Variants in C1GALT1 observed in about 807,000 individuals in gnomAD.
C1GALT1 encodes core 1 synthase, glycoprotein-N-acetylgalactosamine 3-beta-galactosyltransferase 1.
A neutral mutation model predicts 31.0 loss-of-function variants in C1GALT1; 11 were observed. The ratio of observed to expected loss-of-function variants is 0.36; its 90% confidence interval spans 0.22 to 0.59. The LOEUF is 0.59. C1GALT1 is among the 20% of genes least tolerant of loss of function. The pLI, the probability that C1GALT1 is intolerant of heterozygous loss-of-function variation, is 0.79. For synonymous variants in C1GALT1, 175 were observed against 143.6 expected, an observed-to-expected ratio of 1.22 and a Z score of -1.56; for missense variants, 424 against 425.2, an observed-to-expected ratio of 1.00 and a Z score of 0.03.
intron 1 of C1GALT1, 118 bp downstream of exon 1, chr7:7,182,938 G>T: frequency 1.3e-6 from 1 of 748,074 alleles, no homozygotes; most frequent in Non-Finnish European, 1.6e-6. Context: ...CGGGCGCGGC[G>T]GAACAGGTGT....
intron 1 of C1GALT1, among the ~76,000 whole-genome samples, chr7:7,230,772 T>C (rs1266187992): frequency 7.1e-6 from 1 of 140,852 alleles, no homozygotes; most frequent in Non-Finnish European, 1.6e-5. Flanking sequence ...TATTAATCAG[T>C]TTTTTTTTTT....
chr7:7,231,294 A>C (rs983323787), intron 1 of C1GALT1, among the ~76,000 whole-genome samples: 1 of 152,078 alleles, frequency 6.6e-6, no homozygotes, highest in African/African-American at 2.4e-5. Context: ...TACTTAGGTA[A>C]CATTTTCTTT....
At chr7:7,194,508 G>A (rs969110941) in intron 1 of C1GALT1, among the ~76,000 whole-genome samples, 6 of 151,698 alleles carry the variant, frequency 4.0e-5, no homozygotes, top group African/African-American at 1.2e-4. Flanking sequence ...ATCCCTGCAC[G>A]CCTGGCATGA....
intron 1 of C1GALT1, among the ~76,000 whole-genome samples, chr7:7,184,339 C>T (rs1325178833): frequency 6.6e-6 from 1 of 152,110 alleles, no homozygotes; most frequent in African/African-American, 2.4e-5. Context: ...TCAAATTTGC[C>T]TGGAATGTGT....
intron 2 of C1GALT1, chr7:7,234,848 GT>G (rs1263621259): frequency 1.1e-5 from 2 of 184,446 alleles, no homozygotes; most frequent in Non-Finnish European, 2.2e-5. Context: ...TGTGTCTTTG[GT>G]TTTTGTTACT....
Position 7,245,157 on chromosome 7 carries a change from C to T in C1GALT1, c.*1430C>T, listed in dbSNP as rs1466573914. 1 of 152,158 alleles carries T rather than the reference C, an allele frequency of 6.6e-6. No homozygotes were observed. Among genetic ancestry groups the T allele is most frequent in the African/African-American group, 2.4e-5 (1 of 41,426 alleles). The allele number at this position is 152,158 out of a possible 1,614,324, so 9.4% of individuals were successfully genotyped here. A position where few individuals can be genotyped will look rare whatever the true frequency, so the allele number is the denominator to read the frequency against. ...TTATGGTACAAAGTATTTACATTTC[C>T]CTCATGTTTATCATTATGCCAATTT... is the stretch of plus-strand genomic sequence containing the variant. On this transcript the variant is annotated 3_prime_UTR_variant, in exon 4 of 4. Coordinates refer to ENST00000436587, the MANE Select transcript of C1GALT1 (RefSeq NM_020156.5).
intron 1 of C1GALT1, among the ~76,000 whole-genome samples, chr7:7,193,662 C>T (rs1315292218): frequency 6.6e-6 from 1 of 151,562 alleles, no homozygotes; most frequent in African/African-American, 2.4e-5. Flanking sequence ...TATGTGTGTT[C>T]CTTTTCAGTT....
At chr7:7,204,490 G>A (rs1781654494) in intron 1 of C1GALT1, among the ~76,000 whole-genome samples, 1 of 151,662 alleles carries the variant, frequency 6.6e-6, no homozygotes. Context: ...TATCAGTTTT[G>A]TTCCTTTTTG....
At chr7:7,229,003 C>T (rs1159241254) in intron 1 of C1GALT1, among the ~76,000 whole-genome samples, 1 of 152,132 alleles carries the variant, frequency 6.6e-6, no homozygotes, top group Non-Finnish European at 1.5e-5. Flanking sequence ...TGTTAGTATT[C>T]ATAGTTGATG....
chr7:7,182,156 A>G (rs1227708233), upstream of C1GALT1, among the ~76,000 whole-genome samples: 3 of 152,176 alleles, frequency 2.0e-5, no homozygotes, highest in Non-Finnish European at 4.4e-5. Context: ...CGGGGAGAGA[A>G]CAGAAAAACA....
chr7:7,187,224 A>G (rs1232961845), intron 1 of C1GALT1, among the ~76,000 whole-genome samples: 1 of 152,036 alleles, frequency 6.6e-6, no homozygotes, highest in Non-Finnish European at 1.5e-5. Flanking sequence ...AATTAGTGTT[A>G]AAAGTAGTCT....
intron 1 of C1GALT1, among the ~76,000 whole-genome samples, chr7:7,187,928 T>C (rs1483055221): frequency 6.6e-6 from 1 of 152,200 alleles, no homozygotes; most frequent in Non-Finnish European, 1.5e-5. Context: ...TTAGTTTTTG[T>C]CTTGTAGGCA....
chr7:7,205,384 A>T (rs930431615), intron 1 of C1GALT1, among the ~76,000 whole-genome samples: 1 of 152,194 alleles, frequency 6.6e-6, no homozygotes, highest in African/African-American at 2.4e-5. Context: ...CTGTGTTCTT[A>T]TGATAAACTA....
At chr7:7,164,557 G>C (rs1024621153) in intron 2 of C1GALT1, among the ~76,000 whole-genome samples, 13 of 152,148 alleles carry the variant, frequency 8.5e-5, no homozygotes, top group African/African-American at 3.1e-4. Context: ...TTTAAGATCA[G>C]CACCTGTGCA....
intron 2 of C1GALT1, among the ~76,000 whole-genome samples, chr7:7,177,061 G>A (rs1434537885): frequency 6.6e-6 from 1 of 152,172 alleles, no homozygotes; most frequent in Admixed American, 6.5e-5. Flanking sequence ...ACAACAAACA[G>A]TCTGATATCT....
At chr7:7,184,623 C>T (rs988642820) in intron 1 of C1GALT1, among the ~76,000 whole-genome samples, 2 of 152,146 alleles carry the variant, frequency 1.3e-5, no homozygotes, top group Admixed American at 1.3e-4. Context: ...TGCAGTTTAA[C>T]ATTATAAGCC....
intron 1 of C1GALT1, among the ~76,000 whole-genome samples, chr7:7,189,983 G>T (rs1443127782): frequency 6.6e-6 from 1 of 151,920 alleles, no homozygotes; most frequent in African/African-American, 2.4e-5. Context: ...ATTTCCACAT[G>T]AATTTTTGTT....
intron 1 of C1GALT1, among the ~76,000 whole-genome samples, chr7:7,216,134 G>A (rs1375927345): frequency 6.6e-6 from 1 of 152,154 alleles, no homozygotes; most frequent in Non-Finnish European, 1.5e-5. Context: ...AAGTTCTGAG[G>A]TTAAGGAAGT....
intron 1 of C1GALT1, among the ~76,000 whole-genome samples, chr7:7,184,081 A>G (rs1583739330): frequency 6.6e-6 from 1 of 152,306 alleles, no homozygotes; most frequent in Admixed American, 6.5e-5. Flanking sequence ...TCTTAGGTAA[A>G]TGGCAGTTGA....
Sources: gnomAD v4.1 joint callset for allele counts (sites outside exome capture counted in the v4.1 genomes callset) on GRCh38, gnomAD v4.1.1 for gene constraint, MANE v1.5 for transcripts, NCBI Gene and HGNC (gene_info 2026-07-23, HGNC 2026-07-21) for gene names.